The following DPP6 variants were observed in gnomAD, a reference collection of about 807,000 sequenced individuals.
DPP6 encodes the protein A-type potassium channel modulatory protein DPP6.
In DPP6, 69 loss-of-function variants were observed where a neutral mutation model predicts 122.6. The observed-to-expected ratio is 0.56, with a 90% CI of 0.46 to 0.69. The LOEUF is 0.69. Ranked by LOEUF, DPP6 falls within the 30% of genes least tolerant of loss-of-function variation. The pLI is 0.00. For missense variants in DPP6, 928 were observed against 1,116.9 expected (o/e 0.83, Z 2.41); for synonymous variants, 418 against 433.1 (o/e 0.97, Z 0.43).
chr7:153,989,994 A>G (rs1292747087), intron 1 of DPP6, among the ~76,000 whole-genome samples: 1 of 81,568 alleles, frequency 1.2e-5, no homozygotes, highest in Non-Finnish European at 2.4e-5. Flanking sequence ...CCCCCCTGCC[A>G]GCCTTGCCCT....
Position 154,472,227 on chromosome 7 carries a change from G to A in DPP6, c.359-2712G>A, listed in dbSNP as rs374920399. 5.9e-5 allele frequency among the ~76,000 whole-genome samples: 9 copies of A among 152,254 alleles called. No homozygotes were observed. In the South Asian group the frequency reaches 1.7e-3, roughly 28 times the overall value. ...AATTTTTAAAGAAAATCCACAAGTG[G>A]ACATTTTTTCTAATGGAATTTCAGA... On this transcript the variant is annotated intron_variant, in intron 2 of 25. Coordinates refer to ENST00000377770, the MANE Select transcript of DPP6 (RefSeq NM_130797.4).
intron 1 of DPP6, among the ~76,000 whole-genome samples, chr7:153,982,327 G>C (rs1043382682): frequency 2.0e-5 from 3 of 151,198 alleles, no homozygotes; most frequent in African/African-American, 7.3e-5. Context: ...TCTTCTGCTT[G>C]ATTGCTTCAG....
intron 3 of DPP6, among the ~76,000 whole-genome samples, chr7:154,522,339 G>A (rs1363621228): frequency 6.6e-6 from 1 of 152,258 alleles, no homozygotes; most frequent in Non-Finnish European, 1.5e-5. Flanking sequence ...AGGTTATCCC[G>A]CCACGTATGT....
chr7:154,211,924 C>T (rs1413663349), intron 1 of DPP6, among the ~76,000 whole-genome samples: 1 of 152,172 alleles, frequency 6.6e-6, no homozygotes, highest in African/African-American at 2.4e-5. Context: ...CGTGGTGTTA[C>T]TTGGGAAGGG....
chr7:154,849,800 T>G (rs1393853735), intron 16 of DPP6, among the ~76,000 whole-genome samples: 3 of 152,240 alleles, frequency 2.0e-5, no homozygotes, highest in African/African-American at 7.2e-5. Flanking sequence ...AGCTATGGGT[T>G]TGGCATAGAT....
At chr7:154,639,464 G>T (rs1047389602) in intron 6 of DPP6, among the ~76,000 whole-genome samples, 7 of 152,164 alleles carry the variant, frequency 4.6e-5, no homozygotes, top group African/African-American at 1.7e-4. Context: ...GCCCCTTCTG[G>T]GAACAATAGA....
intron 1 of DPP6, among the ~76,000 whole-genome samples, chr7:153,923,057 T>C (rs1054652972): frequency 6.6e-6 from 1 of 152,196 alleles, no homozygotes; most frequent in Non-Finnish European, 1.5e-5. Flanking sequence ...GCAAATGCAA[T>C]GCTTGGACCT....
chr7:154,690,170 T>G (rs972410517), intron 7 of DPP6, among the ~76,000 whole-genome samples: 1 of 152,210 alleles, frequency 6.6e-6, no homozygotes, highest in Non-Finnish European at 1.5e-5. Context: ...AAGATTCTCA[T>G]CAAAATGAAC....
At chr7:154,487,754 C>G (rs1275273487) in intron 3 of DPP6, among the ~76,000 whole-genome samples, 1 of 152,230 alleles carries the variant, frequency 6.6e-6, no homozygotes, top group African/African-American at 2.4e-5. Flanking sequence ...AATTACTTCA[C>G]AGAGTCCTTA....
intron 1 of DPP6, among the ~76,000 whole-genome samples, chr7:154,159,812 TA>T (rs1796887052): frequency 6.6e-6 from 1 of 152,030 alleles, no homozygotes; most frequent in Non-Finnish European, 1.5e-5. Context: ...TATTGCAGAT[TA>T]AAAAACATCA....
At chr7:153,921,924 T>C (rs1015993726) in intron 1 of DPP6, among the ~76,000 whole-genome samples, 2 of 152,240 alleles carry the variant, frequency 1.3e-5, no homozygotes, top group African/African-American at 2.4e-5. Flanking sequence ...CACCCAGCTG[T>C]GCATTTTGGA....
chr7:154,569,669 C>T (rs1327244371), intron 5 of DPP6, among the ~76,000 whole-genome samples: 1 of 151,080 alleles, frequency 6.6e-6, no homozygotes, highest in Non-Finnish European at 1.5e-5. Context: ...AGATATCTGT[C>T]ATTTATTTCA....
At chr7:154,634,152 C>A in intron 5 of DPP6, among the ~76,000 whole-genome samples, 1 of 90,874 alleles carries the variant, frequency 1.1e-5, no homozygotes, top group Admixed American at 1.7e-4. Context: ...CTAATGCTAT[C>A]CCTCCCCCCT....
chr7:154,630,991 T>C (rs1296636657), intron 5 of DPP6, among the ~76,000 whole-genome samples: 1 of 152,224 alleles, frequency 6.6e-6, no homozygotes, highest in African/African-American at 2.4e-5. Context: ...AAAAAAAGAA[T>C]GTATTTCATT....
At chr7:154,123,214 C>T (rs1807626037) in intron 1 of DPP6, among the ~76,000 whole-genome samples, 1 of 152,194 alleles carries the variant, frequency 6.6e-6, no homozygotes. Context: ...CAATTAATTA[C>T]ATCAGTAAAT....
At position 154,197,319 on chromosome 7, in the gene DPP6, C is replaced by T. The variant is rs188201900; in HGVS notation, c.243+144256C>T. On this transcript the variant is annotated intron_variant, in intron 1 of 25. Transcript: ENST00000377770. ...CATGGGGAATACCAGACTCTAGCTT[C>T]CTTGTGGACAAGAAGCATTCCTGTG... 2.9e-3 allele frequency among the ~76,000 whole-genome samples: 442 copies of T among 152,096 alleles called. 3 individuals are homozygous for T. The highest frequency in any genetic ancestry group is 4.8e-3 in the Non-Finnish European group (328 of 68,012).
At chr7:154,615,761 C>T (rs908933932) in intron 5 of DPP6, among the ~76,000 whole-genome samples, 10 of 152,270 alleles carry the variant, frequency 6.6e-5, no homozygotes, top group African/African-American at 1.2e-4. Context: ...ACTCTGTCCC[C>T]GTTAAATACT....
At chr7:154,243,663 C>T (rs111707410) in intron 1 of DPP6, among the ~76,000 whole-genome samples, 23 of 151,844 alleles carry the variant, frequency 1.5e-4, no homozygotes, top group African/African-American at 2.2e-4. Context: ...GGCATGGTGG[C>T]GGGTGCCTGT....
At chr7:154,778,503 G>A (rs1796722388) in intron 10 of DPP6, among the ~76,000 whole-genome samples, 1 of 151,744 alleles carries the variant, frequency 6.6e-6, no homozygotes, top group South Asian at 2.1e-4. Flanking sequence ...GGGTCATCAG[G>A]GCCATGAAAA....
Sources: gnomAD v4.1 joint callset for allele counts (sites outside exome capture counted in the v4.1 genomes callset) on GRCh38, gnomAD v4.1.1 for gene constraint, MANE v1.5 for transcripts, NCBI Gene and HGNC (gene_info 2026-07-23, HGNC 2026-07-21) for gene names.